Variants in ADGRL4 observed in about 807,000 individuals in gnomAD.
The protein encoded by ADGRL4 is adhesion G protein-coupled receptor L4.
ADGRL4 carries 90 observed loss-of-function variants against 74.8 expected under a neutral mutation model. The observed-to-expected ratio is 1.20, with a 90% CI of 1.02 to 1.43. The LOEUF (loss-of-function observed/expected upper bound fraction) is 1.43. Among genes scored for constraint, ADGRL4 ranks in the 40% most tolerant of loss-of-function variants. ADGRL4 has a pLI of 0.00. For missense variants in ADGRL4, 881 were observed against 814.3 expected, an observed-to-expected ratio of 1.08 and a Z score of -1.00; for synonymous variants, 311 against 279.2, an observed-to-expected ratio of 1.11 and a Z score of -1.14.
rs144568234 is a variant in ADGRL4 at position 78,926,620 on chromosome 1, A to T, written c.1083+266T>A. Among the ~76,000 whole-genome samples, 184 of 152,160 alleles carry T rather than the reference A, an allele frequency of 1.2e-3. 4 individuals carry two copies. The East Asian group carries it at 0.025, about 21-fold the overall frequency. On this transcript the variant is annotated intron_variant, in intron 8 of 14. Transcript: ENST00000370742. ...GAAACCATGGATATTTCCAAAATAA[A>T]CAGTGTACTTATAAATAAAACTAAA...
chr1:78,905,158 C>A (rs1054360449), intron 12 of ADGRL4, among the ~76,000 whole-genome samples: 1 of 151,962 alleles, frequency 6.6e-6, no homozygotes, highest in African/African-American at 2.4e-5. Context: ...AAAGTGATAT[C>A]AGCAAAATAA....
chr1:78,937,725 A>G (rs1217045807), intron 6 of ADGRL4, 82 bp downstream of exon 6: 3 of 1,257,888 alleles, frequency 2.4e-6, no homozygotes, highest in East Asian at 2.3e-5. Flanking sequence ...TTTCAACACC[A>G]TGCCTCCTAA....
intron 2 of ADGRL4, among the ~76,000 whole-genome samples, chr1:78,966,725 C>T (rs374028185): frequency 2.6e-5 from 4 of 152,098 alleles, no homozygotes; most frequent in African/African-American, 4.8e-5. Context: ...TCAACTCCAT[C>T]GGACAGTAAT....
At chr1:78,928,266 G>T (rs890954159) in intron 7 of ADGRL4, among the ~76,000 whole-genome samples, 2 of 151,382 alleles carry the variant, frequency 1.3e-5, no homozygotes, top group South Asian at 2.1e-4. Flanking sequence ...TTGATAAGGG[G>T]TACCACAAAG....
At chr1:78,911,378 C>A (rs1268073888) in intron 12 of ADGRL4, among the ~76,000 whole-genome samples, 1 of 151,764 alleles carries the variant, frequency 6.6e-6, no homozygotes, top group Non-Finnish European at 1.5e-5. Context: ...AAATTTGAAG[C>A]TTCACTTATA....
At chr1:78,958,065 G>T (rs925308949) in intron 2 of ADGRL4, among the ~76,000 whole-genome samples, 89 of 152,058 alleles carry the variant, frequency 5.9e-4, no homozygotes, top group Non-Finnish European at 2.1e-4. Context: ...ATGGTTTACC[G>T]AATACGTTAA....
chr1:78,917,777 C>T, intron 11 of ADGRL4, 53 bp downstream of exon 11: 1 of 1,584,284 alleles, frequency 6.3e-7, no homozygotes, highest in Non-Finnish European at 8.7e-7. Context: ...CAAAGAAATG[C>T]AAAGCACATT....
chr1:78,922,408 C>T (rs1285280898), intron 8 of ADGRL4, among the ~76,000 whole-genome samples: 2 of 151,888 alleles, frequency 1.3e-5, no homozygotes, highest in African/African-American at 4.8e-5. Context: ...CTTGTAGAAG[C>T]CAGTTAAGTT....
At chr1:78,922,698 C>A (rs190884897) in intron 8 of ADGRL4, among the ~76,000 whole-genome samples, 4 of 152,020 alleles carry the variant, frequency 2.6e-5, no homozygotes, top group Admixed American at 1.3e-4. Flanking sequence ...CCCTCATAAA[C>A]CTTCTCTGAG....
intron 12 of ADGRL4, among the ~76,000 whole-genome samples, chr1:78,909,339 G>A (rs909093727): frequency 3.3e-5 from 5 of 151,806 alleles, no homozygotes; most frequent in African/African-American, 9.7e-5. Flanking sequence ...TCGTATTCAA[G>A]ATACTTAACA....
chr1:78,948,455 G>T (rs1649656567), intron 2 of ADGRL4, among the ~76,000 whole-genome samples: 1 of 152,014 alleles, frequency 6.6e-6, no homozygotes, highest in Non-Finnish European at 1.5e-5. Context: ...AAGATACTTT[G>T]TTCAGATTTA....
Position 78,937,960 on chromosome 1 carries a change from G to C in ADGRL4, c.607C>G (p.Gln203Glu), listed in dbSNP as rs370996159. Residue 203 changes from glutamine to glutamate, a missense_variant, in exon 6 of 15, where the codon CAA becomes GAA. Gln to Glu is a conservative substitution (Grantham distance 29). Transcript: ENST00000370742. ...EFVKTVNNFV[Q>E]RDTFVVWDKL... ...TCCCAAACTACAAATGTATCCCTTTGAACAAAATTATTCACGGTTTTTACA... is the reference window on the plus strand; with the variant it reads ...TCCCAAACTACAAATGTATCCCTTTCAACAAAATTATTCACGGTTTTTACA... 3.7e-6 allele frequency: 6 copies of C among 1,610,618 alleles called. No individual in the cohort carries two copies. Among genetic ancestry groups the C allele is most frequent in the Non-Finnish European group, 5.1e-6 (6 of 1,179,186 alleles).
chr1:78,961,525 C>G (rs1649953369), intron 2 of ADGRL4, among the ~76,000 whole-genome samples: 2 of 152,182 alleles, frequency 1.3e-5, no homozygotes, highest in East Asian at 3.9e-4. Flanking sequence ...GCCATCCGCT[C>G]AAGTCACTTG....
chr1:78,977,097 A>G (rs373273984), intron 2 of ADGRL4, among the ~76,000 whole-genome samples: 3 of 151,706 alleles, frequency 2.0e-5, no homozygotes, highest in Non-Finnish European at 1.5e-5. Context: ...GGGTGTTAGC[A>G]TAAAAGTTAA....
At chr1:78,896,367 C>T (rs991661267) in intron 12 of ADGRL4, among the ~76,000 whole-genome samples, 10 of 151,654 alleles carry the variant, frequency 6.6e-5, no homozygotes, top group African/African-American at 2.4e-4. Context: ...GTCCTTTGGC[C>T]CAATCTAACT....
intron 2 of ADGRL4, among the ~76,000 whole-genome samples, chr1:78,962,297 C>A (rs567235734): frequency 1.6e-3 from 243 of 152,254 alleles, no homozygotes; most frequent in Non-Finnish European, 1.4e-3. Flanking sequence ...ACTGCCACTG[C>A]GGACACTCCT....
At chr1:78,983,788 A>G (rs952972213) in intron 2 of ADGRL4, among the ~76,000 whole-genome samples, 28 of 151,894 alleles carry the variant, frequency 1.8e-4, no homozygotes, top group Non-Finnish European at 3.8e-4. Context: ...AATTGCAGAG[A>G]TGATTTTATA....
rs1198332653 is a variant in ADGRL4, at chr1:79,006,721, A to G, written c.-67T>C. On this transcript the variant is annotated 5_prime_UTR_variant, in exon 1 of 15. Transcript: ENST00000370742. ...GAGTGAGTGCGGCTGTGGACCCGGGACCGGGCGCCGCTGGGCGGGCGCGGC... is the reference window on the plus strand; with the variant it reads ...GAGTGAGTGCGGCTGTGGACCCGGGGCCGGGCGCCGCTGGGCGGGCGCGGC... 7 of 1,398,748 alleles carry G rather than the reference A, an allele frequency of 5.0e-6. No individual in the cohort carries two copies. Among genetic ancestry groups the G allele is most frequent in the Non-Finnish European group, 5.6e-6 (6 of 1,076,264 alleles). 86.6% of individuals were successfully genotyped at this position (1,398,748 alleles called of 1,614,324 possible).
chr1:79,001,180 G>GGGA (rs1650833209), intron 2 of ADGRL4, among the ~76,000 whole-genome samples: 1 of 83,752 alleles, frequency 1.2e-5, no homozygotes, highest in Non-Finnish European at 2.6e-5. Flanking sequence ...GGGAGAGGGG[G>GGGA]GGGAGGGAGG....
Sources: allele counts gnomAD v4.1 joint callset (sites outside exome capture counted in the v4.1 genomes callset), GRCh38; gene constraint gnomAD v4.1.1; transcripts MANE v1.5; gene names NCBI Gene and HGNC (gene_info 2026-07-23, HGNC 2026-07-21).